The following PPP4R4 variants were observed in gnomAD, a reference collection of about 807,000 sequenced individuals.
PPP4R4 encodes the protein protein phosphatase 4 regulatory subunit 4.
A neutral mutation model predicts 121.8 loss-of-function variants in PPP4R4; 70 were observed. The observed-to-expected ratio is 0.57, with a 90% CI of 0.47 to 0.70. PPP4R4 has a LOEUF of 0.70. Ranked by LOEUF, PPP4R4 falls within the 30% of genes least tolerant of loss-of-function variation. The pLI, the probability that PPP4R4 is intolerant of heterozygous loss-of-function variation, is 0.00. For synonymous variants in PPP4R4, 348 were observed against 355.7 expected, an observed-to-expected ratio of 0.98 and a Z score of 0.24; for missense variants, 875 against 1,033.6, an observed-to-expected ratio of 0.85 and a Z score of 2.10.
At chr14:94,271,055 A>T (rs1043569999) in intron 23 of PPP4R4, among the ~76,000 whole-genome samples, 1 of 152,212 alleles carries the variant, frequency 6.6e-6, no homozygotes, top group African/African-American at 2.4e-5. Flanking sequence ...AACAGAAAGC[A>T]TCTAGCCCAG....
chr14:94,256,068 CT>C (rs1893455755), intron 16 of PPP4R4, among the ~76,000 whole-genome samples: 1 of 152,204 alleles, frequency 6.6e-6, no homozygotes, highest in Non-Finnish European at 1.5e-5. Flanking sequence ...TAAATATCAT[CT>C]TTTCAGTGGA....
At chr14:94,266,500 T>A (rs1370516273) in intron 22 of PPP4R4, among the ~76,000 whole-genome samples, 1 of 152,172 alleles carries the variant, frequency 6.6e-6, no homozygotes, top group Admixed American at 6.5e-5. Flanking sequence ...TTTAAAACTA[T>A]TCCTTTGTCT....
At chr14:94,194,828 C>T (rs1355354967) in intron 2 of PPP4R4, among the ~76,000 whole-genome samples, 1 of 152,164 alleles carries the variant, frequency 6.6e-6, no homozygotes, top group Non-Finnish European at 1.5e-5. Flanking sequence ...AACATGTTCA[C>T]AGCCCCAAGA....
chr14:94,223,428 C>T (rs892281121), intron 3 of PPP4R4, among the ~76,000 whole-genome samples: 3 of 152,166 alleles, frequency 2.0e-5, no homozygotes, highest in African/African-American at 7.2e-5. Context: ...CTGTCCTCCC[C>T]TGCAAAGGAC....
At chr14:94,211,800 A>G (rs1374977784) in intron 3 of PPP4R4, among the ~76,000 whole-genome samples, 2 of 152,128 alleles carry the variant, frequency 1.3e-5, no homozygotes, top group Non-Finnish European at 2.9e-5. Context: ...CATATCTGAG[A>G]TACATGGGTT....
At chr14:94,244,109 G>A (rs1256018082) in intron 11 of PPP4R4, among the ~76,000 whole-genome samples, 1 of 152,002 alleles carries the variant, frequency 6.6e-6, no homozygotes, top group Non-Finnish European at 1.5e-5. Context: ...TGTCTACAAG[G>A]GGAACTGTAT....
At chr14:94,248,503 A>G (rs956415678) in intron 14 of PPP4R4, among the ~76,000 whole-genome samples, 1 of 152,216 alleles carries the variant, frequency 6.6e-6, no homozygotes, top group Non-Finnish European at 1.5e-5. Flanking sequence ...CTACAGATTC[A>G]ACACATTCCT....
At chr14:94,230,302 TG>T (rs1393874379) in intron 3 of PPP4R4, among the ~76,000 whole-genome samples, 2 of 152,238 alleles carry the variant, frequency 1.3e-5, no homozygotes, top group Non-Finnish European at 2.9e-5. Flanking sequence ...GTTTCTACTC[TG>T]TTGCTTAAAG....
intron 1 of PPP4R4, chr14:94,175,439 C>G (rs1023445294): frequency 3.9e-5 from 6 of 153,208 alleles, no homozygotes; most frequent in Admixed American, 1.3e-4. Context: ...GAGTCATCTT[C>G]CTCCCGGCGG....
At chr14:94,199,802 T>G (rs992064142) in intron 2 of PPP4R4, among the ~76,000 whole-genome samples, 1 of 152,186 alleles carries the variant, frequency 6.6e-6, no homozygotes, top group Non-Finnish European at 1.5e-5. Context: ...GCGGATGCGC[T>G]CCTCTTGACG....
chr14:94,201,226 A>G (rs1377332371), intron 2 of PPP4R4, among the ~76,000 whole-genome samples: 1 of 152,018 alleles, frequency 6.6e-6, no homozygotes, highest in African/African-American at 2.4e-5. Flanking sequence ...ATTTATTGAG[A>G]CTTGTTTTGT....
chr14:94,235,388 C>CTTTTTTTTTTTT (rs34881107), intron 7 of PPP4R4, among the ~76,000 whole-genome samples: 4 of 50,806 alleles, frequency 7.9e-5, no homozygotes, highest in African/African-American at 3.7e-4. Context: ...TCTCCTTGTT[C>CTTTTTTTTTTTT]TTTTTTTTTT....
intron 2 of PPP4R4, among the ~76,000 whole-genome samples, chr14:94,191,843 C>G (rs1353139175): frequency 1.3e-5 from 2 of 151,960 alleles, no homozygotes; most frequent in African/African-American, 4.8e-5. Context: ...ACTTAGAAAT[C>G]CTTTTAGGCT....
chr14:94,276,308 C>A (rs1322756588), intron 24 of PPP4R4, among the ~76,000 whole-genome samples: 3 of 152,174 alleles, frequency 2.0e-5, no homozygotes, highest in African/African-American at 7.2e-5. Flanking sequence ...TAAATACATT[C>A]TTTTGCAAAA....
intron 1 of PPP4R4, chr14:94,175,848 C>T (rs957563743): frequency 7.0e-6 from 4 of 571,180 alleles, no homozygotes; most frequent in Middle Eastern, 4.6e-4. Context: ...AATACAGCCC[C>T]CTCCCCAAAC....
chr14:94,207,752 G>C (rs1352326453), intron 2 of PPP4R4, among the ~76,000 whole-genome samples: 1 of 151,236 alleles, frequency 6.6e-6, no homozygotes, highest in Non-Finnish European at 1.5e-5. Flanking sequence ...CAGAACTTAG[G>C]CCACTTTGGT....
At chr14:94,176,451 G>C (rs1043157576) in intron 2 of PPP4R4, among the ~76,000 whole-genome samples, 4 of 152,138 alleles carry the variant, frequency 2.6e-5, no homozygotes, top group African/African-American at 9.7e-5. Context: ...TGAGACTTGA[G>C]TATACAGTGA....
At position 94,174,510 on chromosome 14, in the gene PPP4R4, C is replaced by A; in HGVS notation, c.45C>A (p.Asn15Lys). 1 of 1,612,208 alleles carries A rather than the reference C, an allele frequency of 6.2e-7. No individual in the cohort carries two copies. Among genetic ancestry groups the A allele is most frequent in the Non-Finnish European group, 8.5e-7 (1 of 1,179,164 alleles). Residue 15 changes from asparagine (N) to lysine (K), a missense_variant, in exon 1 of 25, where the codon AAC (asparagine) becomes AAA (lysine). Coordinates refer to ENST00000304338, the MANE Select transcript of PPP4R4 (RefSeq NM_058237.2). ...PPAAAMDFSQ[N>K]SLFGYMEDLQ... ...CCGCCGCGATGGATTTCAGTCAGAA[C>A]AGCCTGTTCGGTTACATGGAGGACC...
chr14:94,255,979 C>G (rs1033908169), intron 16 of PPP4R4, among the ~76,000 whole-genome samples: 2 of 152,312 alleles, frequency 1.3e-5, no homozygotes, highest in South Asian at 4.1e-4. Flanking sequence ...ACAGTAGAGA[C>G]AAGCTCTCTA....
Sources: gnomAD v4.1 joint callset for allele counts (sites outside exome capture counted in the v4.1 genomes callset) on GRCh38, gnomAD v4.1.1 for gene constraint, MANE v1.5 for transcripts, NCBI Gene and HGNC (gene_info 2026-07-23, HGNC 2026-07-21) for gene names.